Variants in CNTN4 observed in about 807,000 individuals in gnomAD.
The protein encoded by CNTN4 is contactin 4.
In CNTN4, 77 loss-of-function variants were observed where a neutral mutation model predicts 122.5. That is an observed-to-expected ratio of 0.63 (90% CI 0.52 to 0.76). The LOEUF (loss-of-function observed/expected upper bound fraction) is 0.76, where lower values mean the gene tolerates loss of function less well. Among genes scored for constraint, CNTN4 ranks in the 30% least tolerant of loss-of-function variants. The pLI is 0.00. For missense variants in CNTN4, 1,256 were observed against 1,259.1 expected (o/e 1.00, Z 0.04); for synonymous variants, 512 against 447.0 (o/e 1.15, Z -1.83).
At chr3:2,202,191 A>G (rs1377247377) in intron 2 of CNTN4, among the ~76,000 whole-genome samples, 2 of 152,162 alleles carry the variant, frequency 1.3e-5, no homozygotes, top group Non-Finnish European at 2.9e-5. Flanking sequence ...GCAGTTCTTC[A>G]TTTTGAAGGA....
intron 6 of CNTN4, among the ~76,000 whole-genome samples, chr3:2,802,761 A>G (rs1032378201): frequency 6.6e-6 from 1 of 152,154 alleles, no homozygotes; most frequent in Non-Finnish European, 1.5e-5. Flanking sequence ...ATGTAAATTG[A>G]CTGTAGACAC....
At chr3:2,765,612 G>C (rs2090823061) in intron 6 of CNTN4, among the ~76,000 whole-genome samples, 1 of 152,062 alleles carries the variant, frequency 6.6e-6, no homozygotes, top group Non-Finnish European at 1.5e-5. Context: ...ATATGGGATA[G>C]CTATAATTAG....
At chr3:2,854,268 C>CTTTTTT (rs56147510) in intron 7 of CNTN4, among the ~76,000 whole-genome samples, 1,396 of 89,942 alleles carry the variant, frequency 0.016, 69 homozygotes, top group Non-Finnish European at 0.02. Context: ...CTTTCTTCTT[C>CTTTTTT]TTTTTTTTTT....
chr3:2,723,400 C>A, intron 4 of CNTN4, among the ~76,000 whole-genome samples: 1 of 152,184 alleles, frequency 6.6e-6, no homozygotes, highest in Non-Finnish European at 1.5e-5. Flanking sequence ...CTATATTATG[C>A]ATAAAGAACA....
chr3:2,914,427 A>G (rs2094333436), intron 12 of CNTN4, among the ~76,000 whole-genome samples: 1 of 152,176 alleles, frequency 6.6e-6, no homozygotes, highest in Non-Finnish European at 1.5e-5. Flanking sequence ...AAAAGAGTGT[A>G]CTCAAATAAG....
intron 12 of CNTN4, among the ~76,000 whole-genome samples, chr3:2,909,825 C>T (rs1195053588): frequency 6.6e-6 from 1 of 152,142 alleles, no homozygotes; most frequent in African/African-American, 2.4e-5. Context: ...AGAGTGGGGC[C>T]TGGGAATTTA....
chr3:2,225,063 T>C (rs950767746), intron 2 of CNTN4, among the ~76,000 whole-genome samples: 1 of 150,748 alleles, frequency 6.6e-6, no homozygotes, highest in African/African-American at 2.4e-5. Context: ...GGCAGGAGAA[T>C]GGCGTGAACC....
chr3:2,833,018 A>T (rs544648317), intron 7 of CNTN4, among the ~76,000 whole-genome samples: 2 of 152,362 alleles, frequency 1.3e-5, no homozygotes, highest in East Asian at 3.9e-4. Flanking sequence ...AGTGATAAAA[A>T]AAAATTACTT....
rs186189952 is a variant in CNTN4 at position 3,030,807 on chromosome 3, T to C, written c.1663-48T>C. On this transcript the variant is annotated intron_variant, in intron 15 of 24. Coordinates refer to ENST00000418658, the MANE Select transcript of CNTN4 (RefSeq NM_175607.3). ...GTGTCCTTCATGTGATAATGATATT[T>C]AGAGCTCATTAAAAAGTAATTGCAG... 102 of 1,603,254 alleles carry C rather than the reference T, an allele frequency of 6.4e-5. No individual in the cohort carries two copies. The East Asian group carries it at 1.0e-3, about 16-fold the overall frequency.
chr3:2,643,318 T>C (rs555114050), intron 4 of CNTN4, among the ~76,000 whole-genome samples: 23 of 152,076 alleles, frequency 1.5e-4, no homozygotes, highest in Non-Finnish European at 2.4e-4. Flanking sequence ...CAACTACAGG[T>C]CCCCACCACC....
At chr3:2,308,007 G>A (rs929231464) in intron 2 of CNTN4, among the ~76,000 whole-genome samples, 1 of 152,160 alleles carries the variant, frequency 6.6e-6, no homozygotes, top group Non-Finnish European at 1.5e-5. Flanking sequence ...TTTGTGGAAT[G>A]TACCGGTGAA....
intron 3 of CNTN4, among the ~76,000 whole-genome samples, chr3:2,569,158 T>C (rs1377152690): frequency 6.6e-6 from 1 of 151,974 alleles, no homozygotes; most frequent in Non-Finnish European, 1.5e-5. Context: ...AGAGTCCCTT[T>C]TGTCTTCACA....
At chr3:2,503,677 A>G (rs545150346) in intron 3 of CNTN4, among the ~76,000 whole-genome samples, 13 of 152,266 alleles carry the variant, frequency 8.5e-5, no homozygotes, top group African/African-American at 2.4e-4. Flanking sequence ...AGCTATCTCT[A>G]AAAGATTGAG....
At chr3:2,670,441 G>C (rs147171871) in intron 4 of CNTN4, among the ~76,000 whole-genome samples, 20,126 of 151,822 alleles carry the variant, frequency 0.13, 1,556 homozygotes, top group African/African-American at 0.2. Context: ...TTTTCCATTT[G>C]CTTGGTAGAT....
chr3:2,330,617 A>AT (rs74441063), intron 2 of CNTN4, among the ~76,000 whole-genome samples: 134,492 of 152,176 alleles, frequency 0.88, 60,314 homozygotes, highest in East Asian at 1. Flanking sequence ...TAAGGGAGGC[A>AT]TTTATAAGAC....
chr3:2,863,550 T>A (rs2093692606), intron 7 of CNTN4, among the ~76,000 whole-genome samples: 1 of 151,910 alleles, frequency 6.6e-6, no homozygotes, highest in Non-Finnish European at 1.5e-5. Flanking sequence ...TGTTGTTTTC[T>A]GTTGTTCTAT....
chr3:2,881,462 A>G (rs2093908930), intron 8 of CNTN4, among the ~76,000 whole-genome samples: 1 of 151,864 alleles, frequency 6.6e-6, no homozygotes, highest in South Asian at 2.1e-4. Context: ...GCAGTGAGCC[A>G]AAATTGTACC....
At position 2,169,365 on chromosome 3, in the gene CNTN4, C is replaced by T. The variant is rs574167179; in HGVS notation, c.-145+68726C>T. Reference sequence around the variant, plus strand: ...TTAACGCCTTTTGATGAAATCAAATCGACATTCCCCAGTAACATTTTTAGA... The same window carrying T: ...TTAACGCCTTTTGATGAAATCAAATTGACATTCCCCAGTAACATTTTTAGA... On this transcript the variant is annotated intron_variant, in intron 2 of 24. Coordinates refer to ENST00000418658, the MANE Select transcript of CNTN4 (RefSeq NM_175607.3). Among the ~76,000 whole-genome samples the T allele has an allele frequency of 1.5e-3, 235 of 152,146 alleles. 1 individual carries two copies. The highest frequency in any genetic ancestry group is 5.4e-3 in the African/African-American group (224 of 41,534).
intron 2 of CNTN4, among the ~76,000 whole-genome samples, chr3:2,161,110 T>C (rs2035949086): frequency 6.6e-6 from 1 of 152,032 alleles, no homozygotes; most frequent in African/African-American, 2.4e-5. Flanking sequence ...ACCTAAGGTA[T>C]AATTATTTTT....
Sources: gnomAD v4.1 joint callset for allele counts (sites outside exome capture counted in the v4.1 genomes callset) on GRCh38, gnomAD v4.1.1 for gene constraint, MANE v1.5 for transcripts, NCBI Gene and HGNC (gene_info 2026-07-23, HGNC 2026-07-21) for gene names.